Variants in SLC16A10 observed in about 807,000 individuals in gnomAD.
The protein encoded by SLC16A10 is monocarboxylate transporter 10.
A neutral mutation model predicts 40.0 loss-of-function variants in SLC16A10; 27 were observed. The observed-to-expected ratio is 0.67, with a 90% CI of 0.50 to 0.93. The LOEUF is 0.93. SLC16A10 is among the 40% of genes least tolerant of loss of function. The probability of loss-of-function intolerance (pLI) is 0.00; values close to 1 mark genes in which losing one functional copy is unlikely to be tolerated. For missense variants in SLC16A10, 529 were observed against 658.2 expected (o/e 0.80, Z 2.15); for synonymous variants, 213 against 249.8 (o/e 0.85, Z 1.39).
At chr6:111,155,330 A>AT (rs1042689801) in intron 1 of SLC16A10, among the ~76,000 whole-genome samples, 3 of 151,174 alleles carry the variant, frequency 2.0e-5, no homozygotes, top group African/African-American at 4.9e-5. Flanking sequence ...CAACAGGTGC[A>AT]TGCCACCGTG....
intron 1 of SLC16A10, among the ~76,000 whole-genome samples, chr6:111,137,843 A>G (rs1428619458): frequency 1.3e-5 from 2 of 152,222 alleles, no homozygotes; most frequent in Admixed American, 6.5e-5. Flanking sequence ...GGGGCTTGCA[A>G]CGTAGCTCAC....
At chr6:111,167,815 T>C (rs1000963759) in intron 1 of SLC16A10, among the ~76,000 whole-genome samples, 2 of 151,940 alleles carry the variant, frequency 1.3e-5, no homozygotes, top group African/African-American at 4.8e-5. Context: ...GGTACTGTTG[T>C]GTGCTACCAT....
At chr6:111,129,283 A>G (rs1238296940) in intron 1 of SLC16A10, among the ~76,000 whole-genome samples, 1 of 152,216 alleles carries the variant, frequency 6.6e-6, no homozygotes, top group Non-Finnish European at 1.5e-5. Flanking sequence ...GGTTGGGGGC[A>G]CAAGTGGAAA....
At chr6:111,095,325 T>C (rs1010367166) in intron 1 of SLC16A10, among the ~76,000 whole-genome samples, 2 of 152,246 alleles carry the variant, frequency 1.3e-5, no homozygotes, top group African/African-American at 4.8e-5. Context: ...TTTATTCTTA[T>C]GTCACAATCC....
At chr6:111,144,456 G>C (rs1189218677) in intron 1 of SLC16A10, among the ~76,000 whole-genome samples, 2 of 152,214 alleles carry the variant, frequency 1.3e-5, no homozygotes. Flanking sequence ...GCCCGCCTCA[G>C]CCTCCCAAAG....
At position 111,222,314 on chromosome 6, in the gene SLC16A10, AT is replaced by A; in HGVS notation, c.*82del. On this transcript the variant is annotated 3_prime_UTR_variant, in exon 6 of 6. Coordinates refer to ENST00000368851, the MANE Select transcript of SLC16A10 (RefSeq NM_018593.5). ...TCCTTTCCTTTTATACAAATTGCAA[AT>A]TTCATATTTTTTTAATCACATCCTA... is the stretch of plus-strand genomic sequence containing the variant. 1 of 1,491,604 alleles carries A rather than the reference AT, an allele frequency of 6.7e-7. No individual in the cohort carries two copies. The highest frequency in any genetic ancestry group is 1.4e-5 in the South Asian group (1 of 72,966). 92.4% of individuals were successfully genotyped at this position (1,491,604 alleles called of 1,614,324 possible). A position where few individuals can be genotyped will look rare whatever the true frequency, so the allele number is the denominator to read the frequency against.
rs141896811 is a variant in SLC16A10, at chr6:111,128,466, TAAG to T, written c.343+40376_343+40378del. Among the ~76,000 whole-genome samples the T allele has an allele frequency of 4.9e-3, 747 of 152,318 alleles. 6 individuals carry two copies. Among genetic ancestry groups the T allele is most frequent in the African/African-American group, 0.018 (731 of 41,570 alleles). ...ACTTATTGATTATTTAGTGGTCTGA[TAAG>T]AAGAGGGAGCGGTGCTCTTCTGTTG... On this transcript the variant is annotated intron_variant, in intron 1 of 5. Transcript: ENST00000368851.
intron 1 of SLC16A10, among the ~76,000 whole-genome samples, chr6:111,132,038 G>A (rs1240182122): frequency 6.6e-6 from 1 of 152,152 alleles, no homozygotes; most frequent in Non-Finnish European, 1.5e-5. Context: ...TCTATGCTGT[G>A]TCCTTAAGCC....
chr6:111,229,029 C>CAAAAAAAA lies in SLC16A10; in HGVS notation c.*6807_*6814dup, dbSNP rs4038339. On this transcript the variant is annotated 3_prime_UTR_variant, in exon 6 of 6. Coordinates refer to ENST00000368851, the MANE Select transcript of SLC16A10 (RefSeq NM_018593.5). ...GGGCAACAAGAGCAAAACTCTGTCT[C>CAAAAAAAA]AAAAAAAAAAAAAAAAAAAATAGTG... 8.9e-6 allele frequency: 1 copy of CAAAAAAAA among 111,948 alleles called. No individual in the cohort carries two copies. The highest frequency in any genetic ancestry group is 3.2e-4 in the South Asian group (1 of 3,170). 6.9% of individuals were successfully genotyped at this position (111,948 alleles called of 1,614,324 possible).
In SLC16A10 at chr6:111,134,644, A is replaced by G. The variant is rs192002244; in HGVS notation, c.344-38051A>G. On this transcript the variant is annotated intron_variant, in intron 1 of 5. Transcript: ENST00000368851. ...GAAAAGGGAAAAGCTGGGCAAATAG[A>G]ATGCCTAATAGGGCTTGCTTCCAGT... Among the ~76,000 whole-genome samples, 34 of 152,290 alleles carry G rather than the reference A, an allele frequency of 2.2e-4. No individual in the cohort carries two copies. In the East Asian group the frequency reaches 6.4e-3, roughly 29 times the overall value.
intron 3 of SLC16A10, among the ~76,000 whole-genome samples, chr6:111,186,073 A>AT (rs1772891825): frequency 6.6e-6 from 1 of 151,948 alleles, no homozygotes; most frequent in Non-Finnish European, 1.5e-5. Context: ...CTAATTTTTA[A>AT]TTTTTTGTAG....
chr6:111,099,322 T>G (rs1771130869), intron 1 of SLC16A10, among the ~76,000 whole-genome samples: 1 of 152,236 alleles, frequency 6.6e-6, no homozygotes, highest in East Asian at 1.9e-4. Flanking sequence ...ATGTATGTAT[T>G]TATTTATTTT....
chr6:111,185,518 C>A (rs1038451227), intron 3 of SLC16A10, among the ~76,000 whole-genome samples: 13 of 152,112 alleles, frequency 8.5e-5, no homozygotes, highest in Admixed American at 6.5e-4. Flanking sequence ...TATCTATACC[C>A]TTATTTTCAG....
chr6:111,117,995 C>T (rs994769138), intron 1 of SLC16A10, among the ~76,000 whole-genome samples: 3 of 152,142 alleles, frequency 2.0e-5, no homozygotes, highest in Non-Finnish European at 4.4e-5. Context: ...GGACATTGGA[C>T]TTGGTGTCAT....
intron 1 of SLC16A10, among the ~76,000 whole-genome samples, chr6:111,164,930 AAAGGTATTATAGCTTTT>A (rs1358208907): frequency 2.6e-5 from 4 of 152,226 alleles, no homozygotes; most frequent in African/African-American, 9.6e-5. Context: ...ATTTGAACTA[AAAGGTATTATAGCTTTT>A]ATTTTTCCTT....
At chr6:111,205,552 A>G (rs1387719889) in intron 3 of SLC16A10, among the ~76,000 whole-genome samples, 2 of 152,232 alleles carry the variant, frequency 1.3e-5, no homozygotes, top group Non-Finnish European at 2.9e-5. Flanking sequence ...ACACTGTTCT[A>G]AGCTCTTTAC....
intron 1 of SLC16A10, among the ~76,000 whole-genome samples, chr6:111,096,831 T>C: frequency 6.6e-6 from 1 of 152,186 alleles, no homozygotes; most frequent in Non-Finnish European, 1.5e-5. Context: ...TTCTTTTTTT[T>C]GTTAAGAGAC....
At chr6:111,204,563 G>A (rs1773224553) in intron 3 of SLC16A10, among the ~76,000 whole-genome samples, 1 of 152,236 alleles carries the variant, frequency 6.6e-6, no homozygotes, top group Admixed American at 6.5e-5. Flanking sequence ...AGAAGAGGCA[G>A]CAGAAATGTA....
At chr6:111,185,424 C>T (rs978031940) in intron 3 of SLC16A10, among the ~76,000 whole-genome samples, 7 of 152,164 alleles carry the variant, frequency 4.6e-5, no homozygotes, top group South Asian at 2.1e-4. Context: ...GCTGTTCCAG[C>T]ACTCAGAGCA....
Sources: gnomAD v4.1 joint callset for allele counts (sites outside exome capture counted in the v4.1 genomes callset) on GRCh38, gnomAD v4.1.1 for gene constraint, MANE v1.5 for transcripts, NCBI Gene and HGNC (gene_info 2026-07-23, HGNC 2026-07-21) for gene names.